The following ZNF587 variants were observed in gnomAD, a reference collection of about 807,000 sequenced individuals.
ZNF587 encodes the protein zinc finger protein zfp6.
In ZNF587, 8 loss-of-function variants were observed where a neutral mutation model predicts 7.5. The observed-to-expected ratio is 1.06, with a 90% CI of 0.62 to 1.92. The LOEUF (loss-of-function observed/expected upper bound fraction) is 1.92. Ranked by LOEUF, ZNF587 falls within the 40% of genes most tolerant of loss-of-function variation. The pLI, the probability that ZNF587 is intolerant of heterozygous loss-of-function variation, is 0.00. For missense variants in ZNF587, 468 were observed against 692.8 expected, an observed-to-expected ratio of 0.68 and a Z score of 3.64; for synonymous variants, 145 against 237.8, an observed-to-expected ratio of 0.61 and a Z score of 3.59.
In ZNF587 at chr19:57,860,422, C is replaced by T. The variant is rs2071419941; in HGVS notation, c.*282C>T. 2 of 484,148 alleles carry T rather than the reference C, an allele frequency of 4.1e-6. No homozygotes were observed. Among genetic ancestry groups the T allele is most frequent in the African/African-American group, 1.9e-5 (1 of 51,546 alleles). 30.0% of individuals were successfully genotyped at this position (484,148 alleles called of 1,614,324 possible). A position where few individuals can be genotyped will look rare whatever the true frequency, so the allele number is the denominator to read the frequency against. On this transcript the variant is annotated 3_prime_UTR_variant, in exon 3 of 3. Transcript: ENST00000339656. Reference sequence around the variant, plus strand: ...TAGCTGGGATTATGAGTACACACCACCACGCCCAGCTAATTTTTGTGTTTT... The same window carrying T: ...TAGCTGGGATTATGAGTACACACCATCACGCCCAGCTAATTTTTGTGTTTT...
chr19:57,855,927 G>C lies in ZNF587; in HGVS notation c.34-177G>C, dbSNP rs1032674564. The stretch of plus-strand genomic sequence containing the variant: ...ATACCTATTTGTCCACCTACTTCTT[G>C]TTGCTGATGGCATTTGACCAGCAGG... On this transcript the variant is annotated intron_variant, in intron 1 of 2. Coordinates refer to ENST00000339656, the MANE Select transcript of ZNF587 (RefSeq NM_032828.4). 14 of 1,106,714 alleles carry C rather than the reference G, an allele frequency of 1.3e-5. No individual in the cohort carries two copies. In the South Asian group the frequency reaches 1.3e-4, roughly 10 times the overall value. The allele number at this position is 1,106,714 out of a possible 1,614,324, so 68.6% of individuals were successfully genotyped here.
At chr19:57,850,738 G>C in intron 1 of ZNF587, 2 of 395,858 alleles carry the variant, frequency 5.1e-6, no homozygotes, top group Non-Finnish European at 4.4e-6. Flanking sequence ...GAGCTCTTGG[G>C]CTCCACCCAG....
At chr19:57,857,602 ATGTG>A (rs1461833396) in intron 2 of ZNF587, among the ~76,000 whole-genome samples, 2 of 149,362 alleles carry the variant, frequency 1.3e-5, no homozygotes, top group African/African-American at 5.1e-5. Context: ...ATGTATATAT[ATGTG>A]TGTATGTGTA....
At chr19:57,855,980 A>G in intron 1 of ZNF587, 124 bp from the exon 2 acceptor site, 1 of 1,499,976 alleles carries the variant, frequency 6.7e-7, no homozygotes, top group Non-Finnish European at 8.9e-7. Context: ...GCACCAGTGG[A>G]TGTGGTTTCA....
chr19:57,856,503 G>T (rs2071358091), intron 2 of ZNF587, among the ~76,000 whole-genome samples: 1 of 151,620 alleles, frequency 6.6e-6, no homozygotes, highest in African/African-American at 2.4e-5. Context: ...CACCTCCCGG[G>T]TTCATGCCGT....
At chr19:57,857,741 TCTC>T (rs1367418384) in intron 2 of ZNF587, among the ~76,000 whole-genome samples, 1 of 151,902 alleles carries the variant, frequency 6.6e-6, no homozygotes, top group African/African-American at 2.4e-5. Context: ...TTCAAGCGAT[TCTC>T]CTGCCTCAGC....
In ZNF587 at chr19:57,856,179, A is replaced by C. The variant is rs370339627; in HGVS notation, c.109A>C (p.Arg37=). The C allele has an allele frequency of 5.0e-6, 8 of 1,612,404 alleles. No homozygotes were observed. The African/African-American group carries it at 5.3e-5, about 11-fold the overall frequency. ...GTGGTGTCTTCTTAGTGAGGCTCAG[A>C]GGTGCTTGTACCGTGATGTGATGCT... The part of the protein sequence containing the change: ...EEWCLLSEAQ[R]CLYRDVMLEN... Residue 37 remains arginine (R), a synonymous_variant, in exon 2 of 3, where the codon AGG becomes CGG. Transcript: ENST00000339656.
intron 1 of ZNF587, 153 bp from the exon 2 acceptor site, chr19:57,855,951 G>A (rs2071349859): frequency 1.5e-6 from 2 of 1,317,516 alleles, no homozygotes; most frequent in East Asian, 2.5e-5. Flanking sequence ...TTGACCAGCA[G>A]GCCCATGAAG....
At position 57,864,227 on chromosome 19, in the gene ZNF587, A is replaced by C. The variant is rs2071477532; in HGVS notation, c.*4087A>C. The C allele has an allele frequency of 1.5e-5, 2 of 137,450 alleles. No individual in the cohort carries two copies. The highest frequency in any genetic ancestry group is 3.0e-5 in the Non-Finnish European group (2 of 65,720). 8.5% of individuals were successfully genotyped at this position (137,450 alleles called of 1,614,324 possible). A position where few individuals can be genotyped will look rare whatever the true frequency, so the allele number is the denominator to read the frequency against. ...CGGCTCACTGCAACCTCCGCCTCCC[A>C]GGTTCAAGTGATTCTCTTGCCTCAG... On this transcript the variant is annotated 3_prime_UTR_variant, in exon 3 of 3. Coordinates refer to ENST00000339656, the MANE Select transcript of ZNF587 (RefSeq NM_032828.4).
intron 1 of ZNF587, chr19:57,850,399 G>C: frequency 1.7e-6 from 1 of 576,340 alleles, no homozygotes; most frequent in Non-Finnish European, 3.1e-6. Flanking sequence ...TTGGCGGGTA[G>C]GGGCTTGGGA....
At position 57,849,928 on chromosome 19, in the gene ZNF587, C is replaced by G; in HGVS notation, c.-111C>G. ...GGCCCCTGAGTGCTGGGTGGGACCG[C>G]GGTGACTGAACCTAGAAGGTGGAGA... On this transcript the variant is annotated 5_prime_UTR_variant, in exon 1 of 3. Coordinates refer to ENST00000339656, the MANE Select transcript of ZNF587 (RefSeq NM_032828.4). The G allele has an allele frequency of 2.5e-6, 4 of 1,599,870 alleles. No individual in the cohort carries two copies. Among genetic ancestry groups the G allele is most frequent in the Non-Finnish European group, 3.4e-6 (4 of 1,172,628 alleles).
At position 57,859,855 on chromosome 19, in the gene ZNF587, A is replaced by G. The variant is rs768296971; in HGVS notation, c.1443A>G (p.Ile481Met). The G allele has an allele frequency of 3.1e-6, 5 of 1,613,722 alleles. No individual in the cohort carries two copies. The highest frequency in any genetic ancestry group is 4.2e-6 in the Non-Finnish European group (5 of 1,179,704). ...KLFGNKHSVTIHQRIHTGERP... is the reference protein window; with the variant it reads ...KLFGNKHSVTMHQRIHTGERP... Reference sequence around the variant, plus strand: ...TTGGCAATAAGCACAGCGTGACTATACATCAGAGGATTCACACTGGAGAAA... The same window carrying G: ...TTGGCAATAAGCACAGCGTGACTATGCATCAGAGGATTCACACTGGAGAAA... The change falls in exon 3 of 3, where the codon ATA becomes ATG. Residue 481 changes from isoleucine (I) to methionine (M), a missense_variant. Coordinates refer to ENST00000339656, the MANE Select transcript of ZNF587 (RefSeq NM_032828.4).
At chr19:57,851,555 G>A (rs2071280668) in intron 1 of ZNF587, 1 of 154,184 alleles carries the variant, frequency 6.5e-6, no homozygotes. Context: ...TGGGGAGAGT[G>A]ACAGGCACAG....
At chr19:57,851,700 C>T (rs1474984242) in intron 1 of ZNF587, 1 of 152,136 alleles carries the variant, frequency 6.6e-6, no homozygotes, top group Non-Finnish European at 1.5e-5. Flanking sequence ...GCTGTGCATT[C>T]ATCATGAGGA....
At position 57,863,213 on chromosome 19, in the gene ZNF587, T is replaced by A. The variant is rs571044238; in HGVS notation, c.*3073T>A. 64 of 152,362 alleles carry A rather than the reference T, an allele frequency of 4.2e-4. No individual in the cohort carries two copies. Among genetic ancestry groups the A allele is most frequent in the African/African-American group, 1.5e-3 (61 of 41,562 alleles). The allele number at this position is 152,362 out of a possible 1,614,324, so 9.4% of individuals were successfully genotyped here. A position where few individuals can be genotyped will look rare whatever the true frequency, so the allele number is the denominator to read the frequency against. On this transcript the variant is annotated 3_prime_UTR_variant, in exon 3 of 3. Transcript: ENST00000339656. ...CTCACTGCAACTTCTACCTCCTGGA[T>A]TCAAGCACTTCTCCTTGCCTCAGCC... is the stretch of plus-strand genomic sequence containing the variant.
At chr19:57,851,252 C>T (rs1238682122) in intron 1 of ZNF587, 1 of 152,070 alleles carries the variant, frequency 6.6e-6, no homozygotes, top group Non-Finnish European at 1.5e-5. Flanking sequence ...ACCCCTAAAC[C>T]GTAATTTCTA....
chr19:57,853,655 C>G (rs2071312206), intron 1 of ZNF587: 1 of 151,474 alleles, frequency 6.6e-6, no homozygotes, highest in South Asian at 2.1e-4. Context: ...CATAGACATC[C>G]AAAGAGATAA....
Position 57,856,350 on chromosome 19 carries a change from C to G in ZNF587, c.163+117C>G. The G allele has an allele frequency of 1.0e-5, 15 of 1,478,340 alleles. 1 individual carries two copies. The highest frequency in any genetic ancestry group is 1.4e-5 in the African/African-American group (1 of 69,802). The allele number at this position is 1,478,340 out of a possible 1,614,324, so 91.6% of individuals were successfully genotyped here. Reference sequence around the variant, plus strand: ...CTGGACACAGGTTCCTTCTGCACTTCTCTGTGTAAGTTGTGTGGTTCGTAG... The same window carrying G: ...CTGGACACAGGTTCCTTCTGCACTTGTCTGTGTAAGTTGTGTGGTTCGTAG... On this transcript the variant is annotated intron_variant, in intron 2 of 2. Coordinates refer to ENST00000339656, the MANE Select transcript of ZNF587 (RefSeq NM_032828.4).
intron 1 of ZNF587, among the ~76,000 whole-genome samples, chr19:57,852,806 G>A (rs1218188263): frequency 7.5e-6 from 1 of 132,454 alleles, no homozygotes; most frequent in Non-Finnish European, 1.6e-5. Flanking sequence ...GGGATTATAG[G>A]CATGGACCAA....
Sources: gnomAD v4.1 joint callset for allele counts (sites outside exome capture counted in the v4.1 genomes callset) on GRCh38, gnomAD v4.1.1 for gene constraint, MANE v1.5 for transcripts, NCBI Gene and HGNC (gene_info 2026-07-23, HGNC 2026-07-21) for gene names.